Variants in CADM2 observed in about 807,000 individuals in gnomAD.
CADM2 encodes cell adhesion molecule 2.
In CADM2, 12 loss-of-function variants were observed where a neutral mutation model predicts 49.8. That is an observed-to-expected ratio of 0.24 (90% CI 0.15 to 0.39). CADM2 has a LOEUF of 0.39. Among genes scored for constraint, CADM2 ranks in the 10% least tolerant of loss-of-function variants. CADM2 has a pLI of 1.00. For missense variants in CADM2, 378 were observed against 492.3 expected (o/e 0.77, Z 2.20); for synonymous variants, 214 against 175.4 (o/e 1.22, Z -1.74).
At chr3:85,703,868 T>C (rs17334678) in intron 1 of CADM2, among the ~76,000 whole-genome samples, 55,393 of 152,080 alleles carry the variant, frequency 0.36, 10,589 homozygotes, top group Non-Finnish European at 0.41. Context: ...TACCATCTTC[T>C]ACTATGCTAA....
chr3:85,231,986 A>T (rs1473468533), intron 1 of CADM2, among the ~76,000 whole-genome samples: 1 of 151,844 alleles, frequency 6.6e-6, no homozygotes, highest in Non-Finnish European at 1.5e-5. Flanking sequence ...AAGTGCTGGG[A>T]TTACAGACGT....
At chr3:85,049,034 G>C (rs2035775693) in intron 1 of CADM2, among the ~76,000 whole-genome samples, 1 of 152,142 alleles carries the variant, frequency 6.6e-6, no homozygotes, top group Non-Finnish European at 1.5e-5. Flanking sequence ...GTCTTAGTGA[G>C]AATGAAGTAG....
At chr3:85,629,151 A>G (rs2064225425) in intron 1 of CADM2, among the ~76,000 whole-genome samples, 2 of 151,962 alleles carry the variant, frequency 1.3e-5, no homozygotes, top group South Asian at 4.1e-4. Flanking sequence ...TCATATATAT[A>G]TATGTTTTTA....
At chr3:85,235,848 T>C (rs1020539862) in intron 1 of CADM2, among the ~76,000 whole-genome samples, 12 of 152,098 alleles carry the variant, frequency 7.9e-5, no homozygotes, top group African/African-American at 2.9e-4. Context: ...TGGTGAAAAA[T>C]AGTATAATGG....
chr3:85,635,661 A>G (rs1388143353), intron 1 of CADM2, among the ~76,000 whole-genome samples: 3 of 152,110 alleles, frequency 2.0e-5, no homozygotes, highest in African/African-American at 7.2e-5. Flanking sequence ...TATCATGGGT[A>G]ATTTATTTTA....
intron 1 of CADM2, among the ~76,000 whole-genome samples, chr3:85,430,162 G>T (rs531098384): frequency 7.9e-5 from 12 of 152,272 alleles, no homozygotes; most frequent in Admixed American, 4.6e-4. Context: ...CAAGGGCATG[G>T]AATTGAAGGT....
chr3:85,760,591 G>A (rs2069328102), intron 2 of CADM2, among the ~76,000 whole-genome samples: 1 of 152,140 alleles, frequency 6.6e-6, no homozygotes, highest in Admixed American at 6.5e-5. Context: ...TCAGAAGTCA[G>A]TGTTCATTCA....
chr3:85,218,083 A>G (rs1383444152), intron 1 of CADM2, among the ~76,000 whole-genome samples: 1 of 152,102 alleles, frequency 6.6e-6, no homozygotes. Context: ...GATAATCATA[A>G]TTATTTTATT....
intron 1 of CADM2, among the ~76,000 whole-genome samples, chr3:85,541,143 A>T (rs920842760): frequency 6.6e-6 from 1 of 150,892 alleles, no homozygotes; most frequent in Non-Finnish European, 1.5e-5. Context: ...CCAATTTGAC[A>T]CATATATACA....
chr3:85,847,457 G>A (rs2108281214), intron 3 of CADM2, among the ~76,000 whole-genome samples: 1 of 152,244 alleles, frequency 6.6e-6, no homozygotes, highest in East Asian at 1.9e-4. Context: ...AAGCTTTAAA[G>A]TTTTCAAGTG....
intron 1 of CADM2, among the ~76,000 whole-genome samples, chr3:85,103,333 C>T (rs968829269): frequency 6.6e-6 from 1 of 151,456 alleles, no homozygotes. Context: ...TTAGTGTAAC[C>T]ATAAATAAAG....
At chr3:84,982,707 A>G (rs375603570) in intron 1 of CADM2, among the ~76,000 whole-genome samples, 5 of 85,832 alleles carry the variant, frequency 5.8e-5, no homozygotes, top group Non-Finnish European at 1.3e-4. Context: ...TAAAGCATAT[A>G]TATATATATA....
At chr3:85,973,249 C>T (rs1038123261) in intron 8 of CADM2, among the ~76,000 whole-genome samples, 1 of 151,684 alleles carries the variant, frequency 6.6e-6, no homozygotes, top group African/African-American at 2.4e-5. Flanking sequence ...TCCCTGTAGT[C>T]CCAGCTACTC....
At chr3:85,499,610 T>C (rs1370918499) in intron 1 of CADM2, among the ~76,000 whole-genome samples, 1 of 151,938 alleles carries the variant, frequency 6.6e-6, no homozygotes, top group African/African-American at 2.4e-5. Context: ...ATATTTTAAG[T>C]ATTTCATTTT....
intron 1 of CADM2, among the ~76,000 whole-genome samples, chr3:85,243,342 T>A (rs1202608479): frequency 2.0e-5 from 3 of 151,972 alleles, no homozygotes; most frequent in Non-Finnish European, 4.4e-5. Context: ...CTGATGTATT[T>A]TATTCTTATA....
chr3:85,952,027 A>G (rs184932423), intron 7 of CADM2, among the ~76,000 whole-genome samples: 80 of 150,812 alleles, frequency 5.3e-4, no homozygotes, highest in Middle Eastern at 3.4e-3. Context: ...GGTTTTGATG[A>G]TATATAAGAA....
At chr3:85,121,394 A>T (rs185522920) in intron 1 of CADM2, among the ~76,000 whole-genome samples, 62 of 152,340 alleles carry the variant, frequency 4.1e-4, no homozygotes, top group Non-Finnish European at 6.9e-4. Context: ...ATATTCCTGT[A>T]TGTCTCCAGG....
intron 1 of CADM2, among the ~76,000 whole-genome samples, chr3:84,976,601 A>C (rs928081174): frequency 1.3e-5 from 2 of 151,838 alleles, no homozygotes; most frequent in Non-Finnish European, 3.0e-5. Flanking sequence ...TTAGACACTA[A>C]ACACATCTCT....
At chr3:85,501,506 A>C (rs2040113723) in intron 1 of CADM2, among the ~76,000 whole-genome samples, 1 of 152,186 alleles carries the variant, frequency 6.6e-6, no homozygotes, top group Non-Finnish European at 1.5e-5. Context: ...GGAATGAGAG[A>C]ATAAAGAATT....
Sources: gnomAD v4.1 joint callset for allele counts (sites outside exome capture counted in the v4.1 genomes callset) on GRCh38, gnomAD v4.1.1 for gene constraint, MANE v1.5 for transcripts, NCBI Gene and HGNC (gene_info 2026-07-23, HGNC 2026-07-21) for gene names.